Variants in GNA11 observed in about 807,000 individuals in gnomAD.
The protein encoded by GNA11 is guanine nucleotide-binding protein subunit alpha-11.
In GNA11, 8 loss-of-function variants were observed where a neutral mutation model predicts 38.2. The observed-to-expected ratio is 0.21, with a 90% confidence interval of 0.12 to 0.38. GNA11 has a LOEUF of 0.38. Ranked by LOEUF, GNA11 falls within the 10% of genes least tolerant of loss-of-function variation. GNA11 has a pLI of 1.00. For missense variants in GNA11, 268 were observed against 516.3 expected (o/e 0.52, Z 4.66); for synonymous variants, 211 against 221.4 (o/e 0.95, Z 0.42).
intron 1 of GNA11, among the ~76,000 whole-genome samples, chr19:3,105,662 C>T (rs1913623012): frequency 6.6e-6 from 1 of 152,172 alleles, no homozygotes; most frequent in African/African-American, 2.4e-5. Flanking sequence ...GGATCACAGA[C>T]ATTCATTGCT....
Position 3,108,355 on chromosome 19 carries a change from C to G in GNA11, c.137-1794C>G, listed in dbSNP as rs1913685545. ...GGAGAGTTGTGTTGGGGCTTGGGGG[C>G]TTTCTAGAGCAGAGGCTGTGAGAGG... On this transcript the variant is annotated intron_variant, in intron 1 of 6. Transcript: ENST00000078429. The surrounding 1 kb of genome is among the most constrained non-coding windows in gnomAD (Gnocchi z 4.5). Among the ~76,000 whole-genome samples the G allele has an allele frequency of 6.6e-6, 1 of 152,178 alleles. No homozygotes were observed. Among genetic ancestry groups the G allele is most frequent in the African/African-American group, 2.4e-5 (1 of 41,430 alleles).
Position 3,111,946 on chromosome 19 carries a change from CCTCT to C in GNA11, c.322-1381_322-1378del, listed in dbSNP as rs545245791. On this transcript the variant is annotated intron_variant, in intron 2 of 6. Coordinates refer to ENST00000078429, the MANE Select transcript of GNA11 (RefSeq NM_002067.5). ...CGCTGTGATCTCTTCCAGCTGTGGC[CCTCT>C]CTGAGAGTCCATATTCATATTTGGG... Among the ~76,000 whole-genome samples, 14 of 152,354 alleles carry C rather than the reference CCTCT, an allele frequency of 9.2e-5. No individual in the cohort carries two copies. In the East Asian group the frequency reaches 2.7e-3, roughly 29 times the overall value.
Position 3,121,752 on chromosome 19 carries a change from C to G in GNA11, c.*573C>G. ...CGCCCAGCGCGCCTCGCCTCTTCAC[C>G]CATCAACGCTGTGCTTTGCCCACTG... On this transcript the variant is annotated 3_prime_UTR_variant, in exon 7 of 7. Transcript: ENST00000078429. The G allele has an allele frequency of 8.6e-6, 2 of 233,120 alleles. No individual in the cohort carries two copies. The highest frequency in any genetic ancestry group is 1.2e-4 in the East Asian group (2 of 16,560). 14.4% of individuals were successfully genotyped at this position (233,120 alleles called of 1,614,324 possible). A position where few individuals can be genotyped will look rare whatever the true frequency, so the allele number is the denominator to read the frequency against.
intron 4 of GNA11, among the ~76,000 whole-genome samples, chr19:3,116,077 C>T (rs1036107244): frequency 3.3e-5 from 5 of 151,986 alleles, no homozygotes; most frequent in African/African-American, 7.2e-5. Flanking sequence ...GCTGCCCCTG[C>T]GGATCCTGCT....
intron 1 of GNA11, among the ~76,000 whole-genome samples, chr19:3,109,487 C>T (rs983807235): frequency 4.6e-5 from 7 of 152,292 alleles, no homozygotes; most frequent in East Asian, 3.9e-4. Flanking sequence ...TTAGCAAGGT[C>T]GTGGCAGGCG....
chr19:3,114,895 G>A, intron 3 of GNA11, 49 bp from the exon 4 acceptor site: 2 of 1,552,308 alleles, frequency 1.3e-6, no homozygotes, highest in Non-Finnish European at 1.7e-6. Flanking sequence ...TCCCTGTCCT[G>A]CCCCCCCACC....
chr19:3,121,244 G>A lies in GNA11; in HGVS notation c.*65G>A. Reference sequence around the variant, plus strand: ...GGACCTTCCTTCCACGGAGCCTGCGGCTGCCGGGCGGGTGGCGCTGCCGAG... The same window carrying A: ...GGACCTTCCTTCCACGGAGCCTGCGACTGCCGGGCGGGTGGCGCTGCCGAG... On this transcript the variant is annotated 3_prime_UTR_variant, in exon 7 of 7. Coordinates refer to ENST00000078429, the MANE Select transcript of GNA11 (RefSeq NM_002067.5). The A allele has an allele frequency of 7.4e-7, 1 of 1,343,116 alleles. No individual in the cohort carries two copies. The highest frequency in any genetic ancestry group is 1.0e-6 in the Non-Finnish European group (1 of 963,630). 83.2% of individuals were successfully genotyped at this position (1,343,116 alleles called of 1,614,324 possible).
At chr19:3,118,657 T>A in intron 4 of GNA11, 1 of 417,480 alleles carries the variant, frequency 2.4e-6, no homozygotes, top group Non-Finnish European at 4.3e-6. Flanking sequence ...CTCTGGGTTC[T>A]CACACCCCCA....
Position 3,094,838 on chromosome 19 carries a change from C to A in GNA11, c.136+51C>A. 1 of 1,371,514 alleles carries A rather than the reference C, an allele frequency of 7.3e-7. No homozygotes were observed. The highest frequency in any genetic ancestry group is 1.5e-5 in the South Asian group (1 of 67,058). The allele number at this position is 1,371,514 out of a possible 1,614,324, so 85.0% of individuals were successfully genotyped here. A position where few individuals can be genotyped will look rare whatever the true frequency, so the allele number is the denominator to read the frequency against. Reference sequence around the variant, plus strand: ...GCTGCGGGCCCTGCCCTGCCTGTGCCTGCCCTGCCTGTCCGGGTCGGGCCG... The same window carrying A: ...GCTGCGGGCCCTGCCCTGCCTGTGCATGCCCTGCCTGTCCGGGTCGGGCCG... On this transcript the variant is annotated intron_variant, in intron 1 of 6. Coordinates refer to ENST00000078429, the MANE Select transcript of GNA11 (RefSeq NM_002067.5). This position sits in a 1 kb window ranked among gnomAD's most constrained non-coding sequence, Gnocchi z 6.0.
At chr19:3,111,255 C>G (rs1404316762) in intron 2 of GNA11, among the ~76,000 whole-genome samples, 1 of 152,162 alleles carries the variant, frequency 6.6e-6, no homozygotes, top group Non-Finnish European at 1.5e-5. Context: ...AGTCGTGCAG[C>G]CATCACCGCT....
At chr19:3,107,892 G>A (rs1471937720) in intron 1 of GNA11, among the ~76,000 whole-genome samples, 1 of 152,128 alleles carries the variant, frequency 6.6e-6, no homozygotes, top group Admixed American at 6.5e-5. Context: ...GGCGTGTGGG[G>A]GTCCCTCTGG....
chr19:3,119,489 A>G lies in GNA11; in HGVS notation c.889+130A>G, dbSNP rs1297481384. Reference sequence around the variant, plus strand: ...GGGCGTCTGATGGGAGGTGTCATGTATGGGAGTGGAGTCTCAGGGAAGGGA... The same window carrying G: ...GGGCGTCTGATGGGAGGTGTCATGTGTGGGAGTGGAGTCTCAGGGAAGGGA... On this transcript the variant is annotated intron_variant, in intron 6 of 6. Transcript: ENST00000078429. This position sits in a 1 kb window ranked among gnomAD's most constrained non-coding sequence, Gnocchi z 4.6. 2 of 729,154 alleles carry G rather than the reference A, an allele frequency of 2.7e-6. No homozygotes were observed. The highest frequency in any genetic ancestry group is 3.8e-5 in the African/African-American group (2 of 52,938). 45.2% of individuals were successfully genotyped at this position (729,154 alleles called of 1,614,324 possible). A position where few individuals can be genotyped will look rare whatever the true frequency, so the allele number is the denominator to read the frequency against.
chr19:3,113,238 C>A, intron 2 of GNA11, 92 bp from the exon 3 acceptor site: 1 of 1,272,500 alleles, frequency 7.9e-7, no homozygotes, highest in Non-Finnish European at 1.1e-6. Flanking sequence ...CCGCCCGGGC[C>A]AGCCGAGGCC....
rs1171113778 is a variant in GNA11 at position 3,119,088 on chromosome 19, G to A, written c.735+35G>A. 2 of 1,609,390 alleles carry A rather than the reference G, an allele frequency of 1.2e-6. No individual in the cohort carries two copies. Among genetic ancestry groups the A allele is most frequent in the East Asian group, 2.2e-5 (1 of 44,750 alleles). ...GCCCTGAGCAGGGGCAGCGTTGGGG[G>A]CCGGGCCTTCCCCACCTGCCAAGCC... On this transcript the variant is annotated intron_variant, in intron 5 of 6. Transcript: ENST00000078429. This position sits in a 1 kb window ranked among gnomAD's most constrained non-coding sequence, Gnocchi z 4.6.
Position 3,110,082 on chromosome 19 carries a change from AAG to A in GNA11, c.137-64_137-63del, listed in dbSNP as rs1160271495. On this transcript the variant is annotated intron_variant, in intron 1 of 6. Transcript: ENST00000078429. This position sits in a 1 kb window ranked among gnomAD's most constrained non-coding sequence, Gnocchi z 5.4. ...TGCTGCAGCACGGCAGGGTCTGGGTAAGAGGGGGCAGCAGCACGAGAGTCAGG... is the reference window on the plus strand; with the variant it reads ...TGCTGCAGCACGGCAGGGTCTGGGTAAGGGGGCAGCAGCACGAGAGTCAGG... 5 of 1,322,758 alleles carry A rather than the reference AAG, an allele frequency of 3.8e-6. No homozygotes were observed. The African/African-American group carries it at 4.3e-5, about 12-fold the overall frequency. 81.9% of individuals were successfully genotyped at this position (1,322,758 alleles called of 1,614,324 possible).
intron 4 of GNA11, among the ~76,000 whole-genome samples, chr19:3,116,956 A>T (rs1351472806): frequency 6.6e-6 from 1 of 152,044 alleles, no homozygotes; most frequent in African/African-American, 2.4e-5. Context: ...CCGTCCTCCC[A>T]GCTCGGCCTC....
At chr19:3,096,668 G>C (rs570729803) in intron 1 of GNA11, among the ~76,000 whole-genome samples, 1 of 152,126 alleles carries the variant, frequency 6.6e-6, no homozygotes, top group Non-Finnish European at 1.5e-5. Flanking sequence ...CCTGTGGCCC[G>C]GGGGTGTCTG....
chr19:3,111,543 C>T (rs1169852035), intron 2 of GNA11, among the ~76,000 whole-genome samples: 5 of 152,106 alleles, frequency 3.3e-5, no homozygotes, highest in South Asian at 2.1e-4. Context: ...ATGGAGGGAC[C>T]GCGTATTTGC....
In GNA11 at chr19:3,120,646, G is replaced by T. The variant is rs967230291; in HGVS notation, c.890-343G>T. ...GCCTCTCCTCTCACCCTGGGCCTTC[G>T]CAGGGCAGCCATGCCAGAGGCCTGC... On this transcript the variant is annotated intron_variant, in intron 6 of 6. Coordinates refer to ENST00000078429, the MANE Select transcript of GNA11 (RefSeq NM_002067.5). This position sits in a 1 kb window ranked among gnomAD's most constrained non-coding sequence, Gnocchi z 5.9. 1.3e-5 allele frequency among the ~76,000 whole-genome samples: 2 copies of T among 152,156 alleles called. No homozygotes were observed. Among genetic ancestry groups the T allele is most frequent in the African/African-American group, 4.8e-5 (2 of 41,448 alleles).
Sources: allele counts gnomAD v4.1 joint callset (sites outside exome capture counted in the v4.1 genomes callset), GRCh38; gene constraint gnomAD v4.1.1; non-coding constraint Gnocchi (gnomAD v3.1); transcripts MANE v1.5; gene names NCBI Gene and HGNC (gene_info 2026-07-23, HGNC 2026-07-21).